EXOC4: variants seen among roughly 807,000 people sequenced by gnomAD.
EXOC4 encodes SEC8-like 1.
EXOC4 carries 71 observed loss-of-function variants against 107.2 expected under a neutral mutation model. That is an observed-to-expected ratio of 0.66 (90% CI 0.55 to 0.81). The LOEUF is 0.81. Ranked by LOEUF, EXOC4 falls within the 30% of genes least tolerant of loss-of-function variation. EXOC4 has a pLI of 0.00. For synonymous variants in EXOC4, 456 were observed against 441.2 expected (o/e 1.03, Z -0.42); for missense variants, 1,108 against 1,189.6 (o/e 0.93, Z 1.01).
chr7:133,892,714 G>C (rs1392485263), intron 11 of EXOC4, among the ~76,000 whole-genome samples: 9 of 101,918 alleles, frequency 8.8e-5, no homozygotes. Flanking sequence ...AGGTTGTTCA[G>C]TTTCCATGTA....
At chr7:133,574,330 C>T (rs1801084277) in intron 9 of EXOC4, among the ~76,000 whole-genome samples, 1 of 152,094 alleles carries the variant, frequency 6.6e-6, no homozygotes, top group Admixed American at 6.6e-5. Flanking sequence ...CACCAAAATG[C>T]ACACACTTAC....
intron 14 of EXOC4, among the ~76,000 whole-genome samples, chr7:133,965,141 T>G (rs1396808690): frequency 6.6e-6 from 1 of 152,222 alleles, no homozygotes; most frequent in Non-Finnish European, 1.5e-5. Flanking sequence ...TTGAGAAGTG[T>G]CTATTCATAT....
At chr7:133,642,374 C>G (rs1802878531) in intron 10 of EXOC4, among the ~76,000 whole-genome samples, 1 of 152,170 alleles carries the variant, frequency 6.6e-6, no homozygotes, top group Non-Finnish European at 1.5e-5. Context: ...AGGCACAGCT[C>G]TTTTCATGCC....
At chr7:133,370,569 G>A (rs942847988) in intron 6 of EXOC4, among the ~76,000 whole-genome samples, 14 of 152,124 alleles carry the variant, frequency 9.2e-5, no homozygotes, top group Non-Finnish European at 4.4e-5. Context: ...AGGAATTTCC[G>A]TGTGGACAAA....
chr7:133,731,703 C>T (rs977765982), intron 10 of EXOC4, among the ~76,000 whole-genome samples: 1 of 152,100 alleles, frequency 6.6e-6, no homozygotes, highest in Admixed American at 6.5e-5. Flanking sequence ...TTAGTTGCCT[C>T]AGCTATAGAA....
chr7:134,008,657 T>C (rs1392983765), intron 17 of EXOC4, among the ~76,000 whole-genome samples: 1 of 152,146 alleles, frequency 6.6e-6, no homozygotes, highest in Admixed American at 6.5e-5. Context: ...TAATTTTTTT[T>C]TAAGTGACAG....
chr7:134,000,003 C>G (rs527663122), intron 15 of EXOC4, among the ~76,000 whole-genome samples: 2 of 152,138 alleles, frequency 1.3e-5, no homozygotes, highest in South Asian at 4.2e-4. Flanking sequence ...GAATGAATAT[C>G]AAAAAAGACT....
intron 10 of EXOC4, among the ~76,000 whole-genome samples, chr7:133,762,511 A>G (rs1184715303): frequency 6.6e-6 from 1 of 152,128 alleles, no homozygotes. Context: ...TAAGTATGCA[A>G]ATATTTAAAC....
intron 14 of EXOC4, among the ~76,000 whole-genome samples, chr7:133,942,536 C>A (rs1434133183): frequency 6.6e-6 from 1 of 152,028 alleles, no homozygotes; most frequent in Non-Finnish European, 1.5e-5. Context: ...TGTTAGGTAT[C>A]TTAGAAATCA....
chr7:133,987,412 A>G (rs953335092), intron 14 of EXOC4, among the ~76,000 whole-genome samples: 1 of 151,812 alleles, frequency 6.6e-6, no homozygotes, highest in African/African-American at 2.4e-5. Context: ...AGAGAAAGAA[A>G]AGAAGGAAGG....
Position 133,896,907 on chromosome 7 carries a change from C to T in EXOC4, c.1871+1172C>T, listed in dbSNP as rs560281494. ...CGCGAATTCCTAACCTCATGATCCG[C>T]CCACCTCGGTCTCCCAAAGTGCTGG... On this transcript the variant is annotated intron_variant, in intron 12 of 17. Coordinates refer to ENST00000253861, the MANE Select transcript of EXOC4 (RefSeq NM_021807.4). 7.1e-5 allele frequency among the ~76,000 whole-genome samples: 7 copies of T among 99,188 alleles called. 3 individuals are homozygous for T. The highest frequency in any genetic ancestry group is 1.3e-4 in the Non-Finnish European group (7 of 53,556). 65.1% of individuals were successfully genotyped at this position (99,188 alleles called of 152,430 possible). A position where few individuals can be genotyped will look rare whatever the true frequency, so the allele number is the denominator to read the frequency against.
chr7:133,531,254 G>A (rs1490736709), intron 9 of EXOC4, among the ~76,000 whole-genome samples: 1 of 151,918 alleles, frequency 6.6e-6, no homozygotes, highest in Non-Finnish European at 1.5e-5. Flanking sequence ...GACTATAAAT[G>A]TACTAGTGAA....
intron 15 of EXOC4, among the ~76,000 whole-genome samples, chr7:134,001,061 C>T (rs1395381102): frequency 1.3e-5 from 2 of 152,118 alleles, no homozygotes; most frequent in African/African-American, 4.8e-5. Flanking sequence ...CACATTTTAA[C>T]CACCAAGCAG....
chr7:134,023,140 A>G, intron 17 of EXOC4, among the ~76,000 whole-genome samples: 1 of 152,210 alleles, frequency 6.6e-6, no homozygotes, highest in Non-Finnish European at 1.5e-5. Flanking sequence ...CATTGCAGTG[A>G]TAATTGGGAT....
chr7:133,535,207 G>A (rs1800250462), intron 9 of EXOC4, among the ~76,000 whole-genome samples: 1 of 152,110 alleles, frequency 6.6e-6, no homozygotes. Context: ...ATTGTGGGAG[G>A]TTAAGTGTCA....
At chr7:133,588,898 A>G (rs9691889) in intron 9 of EXOC4, among the ~76,000 whole-genome samples, 6 of 138,772 alleles carry the variant, frequency 4.3e-5, no homozygotes, top group African/African-American at 1.4e-4. Context: ...GTGTGTGTGT[A>G]TATATGTATG....
intron 9 of EXOC4, among the ~76,000 whole-genome samples, chr7:133,590,551 G>A (rs1801517706): frequency 6.6e-6 from 1 of 152,158 alleles, no homozygotes; most frequent in East Asian, 1.9e-4. Flanking sequence ...GGCTCCACTG[G>A]CAGAGGAGCA....
chr7:133,334,915 C>T (rs1198540864), intron 5 of EXOC4, among the ~76,000 whole-genome samples: 6 of 152,134 alleles, frequency 3.9e-5, no homozygotes, highest in Non-Finnish European at 5.9e-5. Context: ...CGTTCTTTTT[C>T]GGTGATGTAG....
intron 9 of EXOC4, among the ~76,000 whole-genome samples, chr7:133,620,862 T>C (rs759088840): frequency 7.2e-5 from 11 of 152,200 alleles, no homozygotes; most frequent in African/African-American, 1.2e-4. Context: ...TCTTCCAAAG[T>C]AACCTTAAAA....
Sources: allele counts gnomAD v4.1 joint callset (sites outside exome capture counted in the v4.1 genomes callset), GRCh38; gene constraint gnomAD v4.1.1; transcripts MANE v1.5; gene names NCBI Gene and HGNC (gene_info 2026-07-23, HGNC 2026-07-21).